Variants in ZFHX3 observed in about 807,000 individuals in gnomAD.
The protein encoded by ZFHX3 is zinc finger homeobox protein 3.
Under a neutral mutation model 279.1 loss-of-function variants are expected in ZFHX3, and 42 were observed. That is an observed-to-expected ratio of 0.15 (90% CI 0.12 to 0.19). The LOEUF (loss-of-function observed/expected upper bound fraction) is 0.19. ZFHX3 is among the 10% of genes least tolerant of loss of function. The pLI is 1.00. For synonymous variants in ZFHX3, 2,293 were observed against 1,957.8 expected (o/e 1.17, Z -4.52); for missense variants, 4,981 against 4,754.0 (o/e 1.05, Z -1.40).
At chr16:73,203,781 A>G (rs763820762) in intron 5 of ZFHX3, among the ~76,000 whole-genome samples, 3 of 152,228 alleles carry the variant, frequency 2.0e-5, no homozygotes, top group Non-Finnish European at 4.4e-5. Context: ...ATGTGTATCA[A>G]ATCACTAATT....
At chr16:73,565,516 G>A (rs1047847204) in intron 2 of ZFHX3, among the ~76,000 whole-genome samples, 5 of 152,096 alleles carry the variant, frequency 3.3e-5, no homozygotes, top group African/African-American at 9.7e-5. Context: ...AGGTTACCTC[G>A]AATACTCAAG....
At chr16:73,735,121 C>A (rs1212377784) in intron 1 of ZFHX3, among the ~76,000 whole-genome samples, 1 of 152,110 alleles carries the variant, frequency 6.6e-6, no homozygotes, top group Non-Finnish European at 1.5e-5. Flanking sequence ...AGCACATCGG[C>A]ATGGTTGTGC....
chr16:72,933,928 C>T (rs952726034), intron 3 of ZFHX3, among the ~76,000 whole-genome samples: 4 of 150,872 alleles, frequency 2.7e-5, no homozygotes, highest in African/African-American at 7.3e-5. Context: ...ATGCCATTCT[C>T]CCACCTCAGC....
intron 3 of ZFHX3, among the ~76,000 whole-genome samples, chr16:73,419,762 T>C (rs986320095): frequency 3.3e-5 from 5 of 152,080 alleles, no homozygotes; most frequent in Non-Finnish European, 7.3e-5. Context: ...CTATGTGATT[T>C]CTTCATTCAC....
chr16:73,674,135 A>C (rs1344149163), intron 2 of ZFHX3, among the ~76,000 whole-genome samples: 3 of 152,228 alleles, frequency 2.0e-5, no homozygotes, highest in Non-Finnish European at 4.4e-5. Context: ...TTCTAGTATG[A>C]AAGCAGTGCT....
chr16:73,282,565 C>A (rs2014484012), intron 4 of ZFHX3, among the ~76,000 whole-genome samples: 1 of 152,034 alleles, frequency 6.6e-6, no homozygotes, highest in African/African-American at 2.4e-5. Flanking sequence ...TCTCTTGTTG[C>A]TTTGTCTTTT....
chr16:73,408,112 T>TG (rs2017399505), intron 3 of ZFHX3, among the ~76,000 whole-genome samples: 1 of 150,934 alleles, frequency 6.6e-6, no homozygotes, highest in Admixed American at 6.6e-5. Context: ...GAAACTTGTT[T>TG]TTTTTTTTTT....
At chr16:72,913,257 G>A (rs2039363759) in intron 3 of ZFHX3, among the ~76,000 whole-genome samples, 1 of 152,156 alleles carries the variant, frequency 6.6e-6, no homozygotes, top group Non-Finnish European at 1.5e-5. Context: ...TTATTCAGAT[G>A]CCACCAGTTT....
intron 1 of ZFHX3, among the ~76,000 whole-genome samples, chr16:72,966,093 A>G (rs972821273): frequency 6.6e-6 from 1 of 152,212 alleles, no homozygotes; most frequent in African/African-American, 2.4e-5. Flanking sequence ...AAGCGTCAAC[A>G]CAGAGGTCCG....
chr16:72,934,207 T>C (rs1227975904), intron 3 of ZFHX3, among the ~76,000 whole-genome samples: 4 of 152,146 alleles, frequency 2.6e-5, no homozygotes, highest in Admixed American at 6.5e-5. Flanking sequence ...GGAGGATCAC[T>C]TGAGGTCAGG....
At chr16:73,513,355 G>C (rs1274023369) in intron 2 of ZFHX3, among the ~76,000 whole-genome samples, 1 of 152,134 alleles carries the variant, frequency 6.6e-6, no homozygotes, top group Non-Finnish European at 1.5e-5. Flanking sequence ...TCAGGATCAG[G>C]CCTGAGAAGC....
At chr16:73,102,058 C>T (rs1007606467) in intron 7 of ZFHX3, among the ~76,000 whole-genome samples, 2 of 151,872 alleles carry the variant, frequency 1.3e-5, no homozygotes, top group Non-Finnish European at 2.9e-5. Flanking sequence ...GGATTACAGG[C>T]ACCTGCCACT....
chr16:73,036,332 G>C (rs1270469519), intron 1 of ZFHX3, among the ~76,000 whole-genome samples: 2 of 152,188 alleles, frequency 1.3e-5, no homozygotes, highest in South Asian at 2.1e-4. Context: ...GCACAGATGC[G>C]GAAGGCCGGT....
At chr16:72,953,769 T>C (rs1305971141) in intron 2 of ZFHX3, among the ~76,000 whole-genome samples, 1 of 152,146 alleles carries the variant, frequency 6.6e-6, no homozygotes, top group Non-Finnish European at 1.5e-5. Context: ...AAATGTTTTG[T>C]CGAGATGTTG....
At chr16:73,330,704 T>G (rs2143225857) in intron 3 of ZFHX3, among the ~76,000 whole-genome samples, 1 of 152,276 alleles carries the variant, frequency 6.6e-6, no homozygotes, top group Admixed American at 6.5e-5. Flanking sequence ...ATGCTGAGAT[T>G]GAGGGGAGGA....
chr16:73,298,842 C>G (rs1451711167), intron 4 of ZFHX3, among the ~76,000 whole-genome samples: 1 of 152,282 alleles, frequency 6.6e-6, no homozygotes, highest in South Asian at 2.1e-4. Context: ...GATAGTGATG[C>G]CTGACGTAAG....
At chr16:73,406,168 T>A (rs1040794211) in intron 3 of ZFHX3, among the ~76,000 whole-genome samples, 1 of 152,228 alleles carries the variant, frequency 6.6e-6, no homozygotes, top group South Asian at 2.1e-4. Context: ...AACTAATTCC[T>A]CCGTTTCACA....
Position 72,960,123 on chromosome 16 carries a change from A to G in ZFHX3, c.23T>C (p.Val8Ala). Residue 8 changes from valine (V) to alanine (A), a missense_variant, in exon 2 of 10, where the codon GTC becomes GCC. This residue lies in a region of ZFHX3 where 1,068 missense variants were observed against 935.2 expected (regional missense o/e 1.14). Transcript: ENST00000268489. MEGCDSP[V>A]VSGKDNGCGI... The stretch of plus-strand genomic sequence containing the variant: ...GCACCCATTGTCCTTCCCCGAGACG[A>G]CGGGCGAGTCACAGCCTTCCATGGT... 2 of 1,588,220 alleles carry G rather than the reference A, an allele frequency of 1.3e-6. No individual in the cohort carries two copies. Among genetic ancestry groups the G allele is most frequent in the Non-Finnish European group, 1.7e-6 (2 of 1,165,898 alleles).
chr16:73,470,906 T>C (rs2018654373), intron 2 of ZFHX3, among the ~76,000 whole-genome samples: 1 of 152,220 alleles, frequency 6.6e-6, no homozygotes, highest in Admixed American at 6.5e-5. Flanking sequence ...ACATCTACTC[T>C]TCATTTCTAT....
Sources: allele counts gnomAD v4.1 joint callset (sites outside exome capture counted in the v4.1 genomes callset), GRCh38; gene constraint gnomAD v4.1.1; regional missense constraint gnomAD v4.1.1; transcripts MANE v1.5; gene names NCBI Gene and HGNC (gene_info 2026-07-23, HGNC 2026-07-21).